FBN1: variants seen among roughly 807,000 people sequenced by gnomAD.
FBN1 encodes the protein fibrillin 1.
In FBN1, 29 loss-of-function variants were observed where a neutral mutation model predicts 365.1. That is an observed-to-expected ratio of 0.08 (90% CI 0.06 to 0.11). The LOEUF is 0.11. Ranked by LOEUF, FBN1 falls within the 10% of genes least tolerant of loss-of-function variation. FBN1 has a pLI of 1.00. For missense variants in FBN1, 2,476 were observed against 3,703.2 expected, an observed-to-expected ratio of 0.67 and a Z score of 8.60; for synonymous variants, 1,210 against 1,270.5, an observed-to-expected ratio of 0.95 and a Z score of 1.01.
chr15:48,450,150 T>C (rs1046586909), intron 45 of FBN1, among the ~76,000 whole-genome samples: 26 of 152,176 alleles, frequency 1.7e-4, no homozygotes, highest in African/African-American at 6.0e-4. Flanking sequence ...TGCTTCCCAG[T>C]ATAGGCAGAG....
At chr15:48,491,513 GCTA>G (rs1230653686) in intron 24 of FBN1, among the ~76,000 whole-genome samples, 1 of 152,026 alleles carries the variant, frequency 6.6e-6, no homozygotes, top group East Asian at 1.9e-4. Flanking sequence ...ACCGTGCCTG[GCTA>G]CTTTTTTTGT....
At chr15:48,583,547 T>C (rs1029121565) in intron 6 of FBN1, among the ~76,000 whole-genome samples, 1 of 152,214 alleles carries the variant, frequency 6.6e-6, no homozygotes, top group South Asian at 2.1e-4. Flanking sequence ...GATGGGTAAG[T>C]GTCTATTACC....
At chr15:48,582,030 G>A (rs1424009159) in intron 6 of FBN1, among the ~76,000 whole-genome samples, 2 of 152,142 alleles carry the variant, frequency 1.3e-5, no homozygotes, top group Non-Finnish European at 2.9e-5. Context: ...ACATAAATGT[G>A]GCATCTCTGA....
chr15:48,431,886 C>T (rs980105461), intron 55 of FBN1, among the ~76,000 whole-genome samples: 52 of 152,182 alleles, frequency 3.4e-4, no homozygotes, highest in African/African-American at 1.3e-3. Flanking sequence ...AACTCCTGAC[C>T]TCTGGTTATC....
At chr15:48,561,780 T>C (rs1490070724) in intron 6 of FBN1, among the ~76,000 whole-genome samples, 5 of 152,226 alleles carry the variant, frequency 3.3e-5, no homozygotes, top group Non-Finnish European at 1.5e-5. Context: ...AAAGCTCATC[T>C]TGAAATGGTT....
At chr15:48,546,218 A>C (rs984379978) in intron 6 of FBN1, among the ~76,000 whole-genome samples, 9 of 152,212 alleles carry the variant, frequency 5.9e-5, no homozygotes, top group African/African-American at 2.2e-4. Context: ...GGAGTTTGCA[A>C]TCTTGTGGAG....
rs565289529 is a variant in FBN1 at position 48,502,919 on chromosome 15, C to T, written c.2113+868G>A. On this transcript the variant is annotated intron_variant, in intron 17 of 65. Transcript: ENST00000316623. ...TTGATGGAGGAAGAGAATTCTGACT[C>T]GCTATCCAGTTCTCTTTTCATTAGG... 3.3e-5 allele frequency among the ~76,000 whole-genome samples: 5 copies of T among 152,158 alleles called. No homozygotes were observed. The East Asian group carries it at 5.8e-4, about 18-fold the overall frequency.
chr15:48,488,364 T>C lies in FBN1; in HGVS notation c.3208+4A>G, dbSNP rs1012175594. On this transcript the variant is annotated splice_donor_region_variant and intron_variant, in intron 26 of 65. Transcript: ENST00000316623. ...CTCCTGGCCCTTAAGGCTCATTAAC[T>C]GACCTGTGCAGTTCCTTTCTTCAGA... is the stretch of plus-strand genomic sequence containing the variant. 2 of 1,614,276 alleles carry C rather than the reference T, an allele frequency of 1.2e-6. No homozygotes were observed. The highest frequency in any genetic ancestry group is 1.7e-6 in the Non-Finnish European group (2 of 1,180,050).
At chr15:48,596,261 A>C (rs750354195) in intron 6 of FBN1, 22 bp downstream of exon 6, 10 of 1,603,930 alleles carry the variant, frequency 6.2e-6, no homozygotes, top group Non-Finnish European at 8.5e-6. Flanking sequence ...GTCTTTACGT[A>C]AATGATTTTA....
At chr15:48,628,198 C>G (rs184640244) in intron 2 of FBN1, among the ~76,000 whole-genome samples, 2 of 152,076 alleles carry the variant, frequency 1.3e-5, no homozygotes, top group East Asian at 1.9e-4. Context: ...TGGGGCAGCT[C>G]TTGTCCCTAC....
intron 56 of FBN1, 118 bp downstream of exon 56, chr15:48,430,553 T>C: frequency 2.6e-6 from 3 of 1,171,360 alleles, no homozygotes; most frequent in Non-Finnish European, 3.8e-6. Context: ...TGACATGCGG[T>C]TAAGAGAACA....
chr15:48,567,165 T>TC (rs1566928538), intron 6 of FBN1, among the ~76,000 whole-genome samples: 1 of 152,200 alleles, frequency 6.6e-6, no homozygotes, highest in East Asian at 1.9e-4. Flanking sequence ...GTGTCCAGTC[T>TC]GTGATGAGGT....
intron 6 of FBN1, among the ~76,000 whole-genome samples, chr15:48,572,485 A>T (rs1345399345): frequency 6.6e-6 from 1 of 152,044 alleles, no homozygotes; most frequent in Non-Finnish European, 1.5e-5. Flanking sequence ...AACAGTAAAA[A>T]AATTTTTAAG....
At chr15:48,640,111 G>A (rs1277660553) in intron 2 of FBN1, among the ~76,000 whole-genome samples, 1 of 152,126 alleles carries the variant, frequency 6.6e-6, no homozygotes, top group Admixed American at 6.5e-5. Flanking sequence ...AGGGAAGTCT[G>A]TACTCCATTT....
At chr15:48,415,351 A>G (rs1436907746) in intron 64 of FBN1, among the ~76,000 whole-genome samples, 185 bp downstream of exon 64, 2 of 152,278 alleles carry the variant, frequency 1.3e-5, no homozygotes, top group African/African-American at 4.8e-5. Flanking sequence ...TGACGTTTCC[A>G]GAAATCCAGA....
chr15:48,544,777 T>C (rs2044082315), intron 6 of FBN1, among the ~76,000 whole-genome samples: 1 of 152,226 alleles, frequency 6.6e-6, no homozygotes, highest in Non-Finnish European at 1.5e-5. Flanking sequence ...TACCTGATAT[T>C]ATTTGTTCCT....
Position 48,474,394 on chromosome 15 carries a change from A to G in FBN1, c.4088-17T>C, listed in dbSNP as rs1397067049. Reference sequence around the variant, plus strand: ...CGTCCAGATCTTATAGAAAAAGGTTATATCATTATTAACAGAAAGGGTGGT... The same window carrying G: ...CGTCCAGATCTTATAGAAAAAGGTTGTATCATTATTAACAGAAAGGGTGGT... On this transcript the variant is annotated splice_polypyrimidine_tract_variant and intron_variant, in intron 33 of 65. Coordinates refer to ENST00000316623, the MANE Select transcript of FBN1 (RefSeq NM_000138.5). 6 of 1,614,088 alleles carry G rather than the reference A, an allele frequency of 3.7e-6. No homozygotes were observed. Among genetic ancestry groups the G allele is most frequent in the South Asian group, 1.1e-5 (1 of 91,078 alleles).
At chr15:48,582,465 C>T (rs574820017) in intron 6 of FBN1, among the ~76,000 whole-genome samples, 26 of 152,168 alleles carry the variant, frequency 1.7e-4, no homozygotes, top group African/African-American at 6.3e-4. Flanking sequence ...CTTCTAAAGC[C>T]CACAAAACCA....
At chr15:48,546,304 A>G (rs2044092743) in intron 6 of FBN1, among the ~76,000 whole-genome samples, 1 of 152,262 alleles carries the variant, frequency 6.6e-6, no homozygotes, top group Non-Finnish European at 1.5e-5. Context: ...AAATGAAACA[A>G]GCATGCTGCT....
Sources: allele counts gnomAD v4.1 joint callset (sites outside exome capture counted in the v4.1 genomes callset), GRCh38; gene constraint gnomAD v4.1.1; transcripts MANE v1.5; gene names NCBI Gene and HGNC (gene_info 2026-07-23, HGNC 2026-07-21).